Variants in MECOM observed in about 807,000 individuals in gnomAD.
The protein encoded by MECOM is histone-lysine N-methyltransferase MECOM.
Under a neutral mutation model 116.3 loss-of-function variants are expected in MECOM, and 13 were observed. The observed-to-expected ratio is 0.11, with a 90% CI of 0.07 to 0.18. The LOEUF (loss-of-function observed/expected upper bound fraction) is 0.18, where lower values mean the gene tolerates loss of function less well. Ranked by LOEUF, MECOM falls within the 10% of genes least tolerant of loss-of-function variation. MECOM has a pLI of 1.00. For synonymous variants in MECOM, 528 were observed against 535.2 expected, an observed-to-expected ratio of 0.99 and a Z score of 0.19; for missense variants, 1,299 against 1,509.0, an observed-to-expected ratio of 0.86 and a Z score of 2.31.
At chr3:169,206,827 C>T (rs1158307675) in intron 2 of MECOM, among the ~76,000 whole-genome samples, 1 of 151,336 alleles carries the variant, frequency 6.6e-6, no homozygotes, top group Non-Finnish European at 1.5e-5. Context: ...GTGTGTAGCC[C>T]AGGCATAATA....
chr3:169,297,620 G>T (rs1295196764), intron 2 of MECOM, among the ~76,000 whole-genome samples: 1 of 151,580 alleles, frequency 6.6e-6, no homozygotes, highest in African/African-American at 2.4e-5. Flanking sequence ...CTCAAATGCT[G>T]CTGGTAATTA....
chr3:169,325,961 T>C (rs1721765163), intron 2 of MECOM, among the ~76,000 whole-genome samples: 1 of 152,124 alleles, frequency 6.6e-6, no homozygotes, highest in Non-Finnish European at 1.5e-5. Context: ...GGCTAGGCAC[T>C]AGACATAGCA....
chr3:169,394,300 C>T (rs1734681500), intron 1 of MECOM, among the ~76,000 whole-genome samples: 1 of 152,140 alleles, frequency 6.6e-6, no homozygotes, highest in African/African-American at 2.4e-5. Flanking sequence ...AAAGGACTTA[C>T]AATCTTGTTG....
chr3:169,187,319 A>G (rs1746916285), intron 2 of MECOM, among the ~76,000 whole-genome samples: 1 of 152,144 alleles, frequency 6.6e-6, no homozygotes, highest in Admixed American at 6.5e-5. Flanking sequence ...GCTACACCAT[A>G]CTGTTTCTCA....
At position 169,097,841 on chromosome 3, in the gene MECOM, G is replaced by A. The variant is rs1244379695; in HGVS notation, c.2850-2596C>T. Among the ~76,000 whole-genome samples, 21 of 51,330 alleles carry A rather than the reference G, an allele frequency of 4.1e-4. No homozygotes were observed. In the East Asian group the frequency reaches 5.6e-3, roughly 14 times the overall value. The allele number at this position is 51,330 out of a possible 152,430, so 33.7% of individuals were successfully genotyped here. ...ATAAAAAAAAAAAAAAAAAAAAAAA[G>A]GTGGATTCCACTGTCAAGGAGCTTG... On this transcript the variant is annotated intron_variant, in intron 12 of 16. Coordinates refer to ENST00000651503, the MANE Select transcript of MECOM (RefSeq NM_004991.4).
chr3:169,273,579 G>C (rs1759209621), intron 2 of MECOM, among the ~76,000 whole-genome samples: 1 of 152,196 alleles, frequency 6.6e-6, no homozygotes. Context: ...AAGAGAAGGA[G>C]CCGGAGAGAA....
rs192373502 is a variant in MECOM at position 169,380,219 on chromosome 3, T to C, written c.375+968A>G. ...AACATACCGAAATAAATCCAGTTTA[T>C]CTGATTTCTGTCTACTGAAATGCTA... On this transcript the variant is annotated intron_variant, in intron 2 of 16. Coordinates refer to ENST00000651503, the MANE Select transcript of MECOM (RefSeq NM_004991.4). Among the ~76,000 whole-genome samples the C allele has an allele frequency of 1.5e-3, 222 of 152,296 alleles. 1 individual carries two copies. The highest frequency in any genetic ancestry group is 6.8e-3 in the Middle Eastern group (2 of 294).
At chr3:169,485,956 CA>C (rs1752210073) in intron 1 of MECOM, among the ~76,000 whole-genome samples, 2 of 33,914 alleles carry the variant, frequency 5.9e-5, no homozygotes, top group African/African-American at 2.5e-4. Context: ...TATATATGTA[CA>C]TATATACTAT....
intron 2 of MECOM, among the ~76,000 whole-genome samples, chr3:169,211,222 T>C (rs559965271): frequency 4.5e-4 from 69 of 152,278 alleles, no homozygotes; most frequent in Middle Eastern, 3.4e-3. Flanking sequence ...CAGCAACGTG[T>C]GCGATCTCTC....
At chr3:169,242,764 T>C (rs1755046643) in intron 2 of MECOM, among the ~76,000 whole-genome samples, 1 of 152,174 alleles carries the variant, frequency 6.6e-6, no homozygotes, top group East Asian at 1.9e-4. Flanking sequence ...AGGTTATCTT[T>C]TCCTTGTGCT....
At chr3:169,095,269 T>C (rs1290210361) in intron 12 of MECOM, 24 bp from the exon 13 acceptor site, 10 of 1,594,134 alleles carry the variant, frequency 6.3e-6, no homozygotes, top group African/African-American at 1.3e-5. Flanking sequence ...AAAGAGAAAA[T>C]ATTAGCAAGC....
At chr3:169,589,257 G>A (rs908236434) in intron 1 of MECOM, among the ~76,000 whole-genome samples, 2 of 152,010 alleles carry the variant, frequency 1.3e-5, no homozygotes, top group African/African-American at 4.8e-5. Context: ...GAAGGCCCCA[G>A]GATATTAACC....
At chr3:169,410,439 T>G (rs1226118519) in intron 1 of MECOM, among the ~76,000 whole-genome samples, 1 of 152,208 alleles carries the variant, frequency 6.6e-6, no homozygotes, top group Non-Finnish European at 1.5e-5. Context: ...AAGACCTGTC[T>G]TCACTTATTG....
chr3:169,279,222 G>A (rs1255767924), intron 2 of MECOM, among the ~76,000 whole-genome samples: 1 of 152,122 alleles, frequency 6.6e-6, no homozygotes, highest in East Asian at 1.9e-4. Flanking sequence ...CTTAGAATTG[G>A]TTTAGGGCTC....
intron 1 of MECOM, among the ~76,000 whole-genome samples, chr3:169,485,183 C>T (rs527809431): frequency 2.0e-5 from 3 of 151,912 alleles, no homozygotes; most frequent in Admixed American, 1.3e-4. Flanking sequence ...AGAGTAGAGA[C>T]GGGGTTTCGC....
At chr3:169,200,031 G>A (rs1748945961) in intron 2 of MECOM, among the ~76,000 whole-genome samples, 2 of 152,038 alleles carry the variant, frequency 1.3e-5, no homozygotes, top group East Asian at 1.9e-4. Context: ...TCTGTTTTAG[G>A]CAATGCAAAG....
intron 2 of MECOM, among the ~76,000 whole-genome samples, chr3:169,163,974 C>T (rs371684287): frequency 1.8e-4 from 27 of 152,262 alleles, no homozygotes; most frequent in African/African-American, 6.5e-4. Context: ...GCCAGCGAAG[C>T]AACATGATTT....
At chr3:169,167,124 GC>G (rs1743716463) in intron 2 of MECOM, among the ~76,000 whole-genome samples, 2 of 152,142 alleles carry the variant, frequency 1.3e-5, no homozygotes, top group South Asian at 4.1e-4. Context: ...ACAGGTGCAT[GC>G]TACCGTGTCT....
intron 3 of MECOM, among the ~76,000 whole-genome samples, chr3:169,134,377 G>C (rs1735731421): frequency 6.6e-6 from 1 of 152,146 alleles, no homozygotes; most frequent in African/African-American, 2.4e-5. Context: ...GTTGATGTTG[G>C]CTTTATTTAC....
Sources: allele counts gnomAD v4.1 joint callset (sites outside exome capture counted in the v4.1 genomes callset), GRCh38; gene constraint gnomAD v4.1.1; transcripts MANE v1.5; gene names NCBI Gene and HGNC (gene_info 2026-07-23, HGNC 2026-07-21).